IL13RA2: variants seen among roughly 807,000 people sequenced by gnomAD.
IL13RA2 encodes interleukin 13 receptor subunit alpha 2.
IL13RA2 carries 25 observed loss-of-function variants against 34.1 expected under a neutral mutation model. That is an observed-to-expected ratio of 0.73 (90% CI 0.53 to 1.03). The LOEUF is 1.03. IL13RA2 is among the 50% of genes least tolerant of loss of function. The pLI, the probability that IL13RA2 is intolerant of heterozygous loss-of-function variation, is 0.00. For synonymous variants in IL13RA2, 106 were observed against 100.4 expected, an observed-to-expected ratio of 1.06 and a Z score of -0.33; for missense variants, 297 against 280.9, an observed-to-expected ratio of 1.06 and a Z score of -0.41.
At position 115,009,514 on chromosome X, in the gene IL13RA2, T is replaced by G; in HGVS notation, c.852+7A>C. ...ATGATTTTCCCAAATAAATGCAATA[T>G]TCATACCACCAAGGTAGTATCATCT... is the stretch of plus-strand genomic sequence containing the variant. On this transcript the variant is annotated splice_region_variant and intron_variant, in intron 7 of 9. Transcript: ENST00000243213. The G allele has an allele frequency of 8.5e-7, 1 of 1,183,187 alleles. No homozygotes were observed.
chrX:115,010,849 G>C, intron 5 of IL13RA2, 21 bp from the exon 6 acceptor site: 1 of 837,081 alleles, frequency 1.2e-6, no homozygotes, highest in South Asian at 3.7e-5. Flanking sequence ...AGTGTTGTGA[G>C]AATTGTGTTT....
intron 9 of IL13RA2, 61 bp downstream of exon 9, chrX:115,005,136 T>C: frequency 1.7e-6 from 1 of 602,761 alleles, no homozygotes; most frequent in Non-Finnish European, 2.9e-6. Context: ...CAGTTCTAAG[T>C]GCAGAACATT....
chrX:115,006,261 T>G (rs188426178), intron 8 of IL13RA2, among the ~76,000 whole-genome samples: 3 of 112,331 alleles, frequency 2.7e-5, no homozygotes, highest in Admixed American at 9.5e-5. Flanking sequence ...GAGGACATAC[T>G]TTTATTTCCA....
chrX:115,017,469 T>C (rs1196937894), intron 1 of IL13RA2, 84 bp downstream of exon 1: 2 of 355,029 alleles, frequency 5.6e-6, no homozygotes, highest in Admixed American at 1.2e-4. Context: ...TAGGAACCAA[T>C]ATAATTGGAA....
intron 2 of IL13RA2, 123 bp from the exon 3 acceptor site, chrX:115,015,944 A>G (rs2071725543): frequency 2.1e-6 from 1 of 472,874 alleles, no homozygotes; most frequent in Non-Finnish European, 3.6e-6. Context: ...CTACATGCAT[A>G]CAATCAAATA....
At chrX:115,011,039 G>A (rs2071704322) in intron 5 of IL13RA2, among the ~76,000 whole-genome samples, 1 of 111,459 alleles carries the variant, frequency 9.0e-6, no homozygotes, top group African/African-American at 3.3e-5. Flanking sequence ...CGATTTCATG[G>A]AGCTTACAAT....
intron 7 of IL13RA2, 70 bp from the exon 8 acceptor site, chrX:115,008,146 C>G (rs782814406): frequency 2.4e-5 from 17 of 716,055 alleles, no homozygotes; most frequent in Non-Finnish European, 3.4e-5. Context: ...CCATATCTGT[C>G]CCTTTCAAAG....
intron 5 of IL13RA2, among the ~76,000 whole-genome samples, chrX:115,011,846 T>G (rs2071706977): frequency 1.8e-5 from 2 of 112,259 alleles, no homozygotes; most frequent in African/African-American, 6.5e-5. Flanking sequence ...GAGGATCAAA[T>G]TATATCAAAT....
rs1031878273 is a variant in IL13RA2, at chrX:115,005,290, C to G, written c.1023G>C (p.Leu341Phe). 7 of 1,071,515 alleles carry G rather than the reference C, an allele frequency of 6.5e-6. No homozygotes were observed. Among genetic ancestry groups the G allele is most frequent in the Non-Finnish European group, 9.1e-6 (7 of 767,678 alleles). The allele number at this position is 1,071,515 out of a possible 1,213,427, so 88.3% of individuals were successfully genotyped here. The change falls in exon 9 of 10, where the codon TTG (leucine) becomes TTC (phenylalanine). Residue 341 changes from leucine (L) to phenylalanine (F), a missense_variant. Coordinates refer to ENST00000243213, the MANE Select transcript of IL13RA2 (RefSeq NM_000640.3). ...AACCAAATGGTAGCCAGAAACGTAG[C>G]AAAGTTTTCTTCGATAGGTCTTCAC... is the stretch of plus-strand genomic sequence containing the variant. ...WEGEDLSKKT[L>F]LRFWLPFGFI...
intron 5 of IL13RA2, among the ~76,000 whole-genome samples, chrX:115,011,874 G>A (rs149037403): frequency 1.5e-3 from 166 of 112,224 alleles, no homozygotes; most frequent in African/African-American, 4.8e-3. Flanking sequence ...ACAATGTACA[G>A]GAGGGCAGAG....
intron 8 of IL13RA2, among the ~76,000 whole-genome samples, chrX:115,006,400 G>A (rs1276821513): frequency 4.5e-5 from 5 of 112,095 alleles, no homozygotes; most frequent in African/African-American, 1.3e-4. Context: ...TCTATGAAGA[G>A]GGCTGGGCAC....
chrX:115,012,502 C>T (rs1335498337), intron 5 of IL13RA2, among the ~76,000 whole-genome samples: 5 of 112,111 alleles, frequency 4.5e-5, no homozygotes, highest in Non-Finnish European at 9.4e-5. Context: ...CAGTGGCTCA[C>T]GCCTGTAATC....
rs971526073 is a variant in IL13RA2, at chrX:115,017,188, T to C, written c.82A>G (p.Thr28Ala). 6 of 823,076 alleles carry C rather than the reference T, an allele frequency of 7.3e-6. No homozygotes were observed. The highest frequency in any genetic ancestry group is 2.7e-4 in the Middle Eastern group (1 of 3,651). The allele number at this position is 823,076 out of a possible 1,213,427, so 67.8% of individuals were successfully genotyped here. A position where few individuals can be genotyped will look rare whatever the true frequency, so the allele number is the denominator to read the frequency against. ...TTFGCTSSSD[T>A]EIKVNPPQDF... ...AAAATCCATTTACCTTTTATCTCGG[T>C]GTCTGAAGATGAAGTACAGCCAAAT... The change falls in exon 2 of 10, where the codon ACC (threonine) becomes GCC (alanine). Residue 28 changes from threonine (T) to alanine (A), a missense_variant. By Grantham distance (58) the Thr-to-Ala change is moderately conservative. Coordinates refer to ENST00000243213, the MANE Select transcript of IL13RA2 (RefSeq NM_000640.3).
chrX:115,011,121 A>C (rs1201661703), intron 5 of IL13RA2, among the ~76,000 whole-genome samples: 3 of 112,030 alleles, frequency 2.7e-5, no homozygotes, highest in Admixed American at 9.5e-5. Context: ...TTGATTCATC[A>C]ACAAGGTTTG....
intron 9 of IL13RA2, among the ~76,000 whole-genome samples, chrX:115,004,894 C>T (rs1426885357): frequency 8.9e-6 from 1 of 112,363 alleles, no homozygotes; most frequent in African/African-American, 3.2e-5. Context: ...TTCTATTTCT[C>T]CCAATCCTGC....
chrX:115,004,600 C>T (rs1556507117), intron 9 of IL13RA2, among the ~76,000 whole-genome samples: 3 of 109,188 alleles, frequency 2.7e-5, no homozygotes, highest in Admixed American at 9.8e-5. Context: ...GAATGAGACC[C>T]TGTCCCAAAA....
Position 115,013,857 on chromosome X carries a change from A to C in IL13RA2, c.433T>G (p.Cys145Gly). ...IPETKVQDMD[C>G]VYYNWQYLLC... ...AAATATTGCCAATTGTAATATACGC[A>C]ATCCATATCCTGAACTTTAGTTTCT... The change falls in exon 5 of 10, where the codon TGC becomes GGC. Residue 145 changes from cysteine to glycine, a missense_variant. Physicochemically the swap from Cys to Gly is radical, Grantham distance 159. Coordinates refer to ENST00000243213, the MANE Select transcript of IL13RA2 (RefSeq NM_000640.3). The C allele has an allele frequency of 9.8e-7, 1 of 1,021,963 alleles. No homozygotes were observed. The highest frequency in any genetic ancestry group is 1.4e-6 in the Non-Finnish European group (1 of 724,158). The allele number at this position is 1,021,963 out of a possible 1,213,427, so 84.2% of individuals were successfully genotyped here.
At chrX:115,014,669 A>G (rs1336628218) in intron 3 of IL13RA2, 95 bp from the exon 4 acceptor site, 1 of 531,138 alleles carries the variant, frequency 1.9e-6, no homozygotes, top group East Asian at 3.5e-5. Context: ...AATACCCTGG[A>G]GAGTTCCCAA....
chrX:115,009,384 G>A (rs17095897), intron 7 of IL13RA2, 137 bp downstream of exon 7: 8,022 of 449,155 alleles, frequency 0.018, 524 homozygotes, highest in African/African-American at 0.17. Flanking sequence ...TAGCTTATTT[G>A]GCTTTCTGGA....
Sources: gnomAD v4.1 joint callset for allele counts (sites outside exome capture counted in the v4.1 genomes callset) on GRCh38, gnomAD v4.1.1 for gene constraint, MANE v1.5 for transcripts, NCBI Gene and HGNC (gene_info 2026-07-23, HGNC 2026-07-21) for gene names.